The following DLC1 variants were observed in gnomAD, a reference collection of about 807,000 sequenced individuals.
DLC1 encodes rho GTPase-activating protein 7.
A neutral mutation model predicts 140.3 loss-of-function variants in DLC1; 54 were observed. The observed-to-expected ratio is 0.38, with a 90% confidence interval of 0.31 to 0.48. The LOEUF (loss-of-function observed/expected upper bound fraction) is 0.48, where lower values mean the gene tolerates loss of function less well. Among genes scored for constraint, DLC1 ranks in the 20% least tolerant of loss-of-function variants. The probability of loss-of-function intolerance (pLI) is 0.96; values close to 1 mark genes in which losing one functional copy is unlikely to be tolerated. For synonymous variants in DLC1, 986 were observed against 728.1 expected (o/e 1.35, Z -5.70); for missense variants, 2,536 against 1,907.0 (o/e 1.33, Z -6.14).
At chr8:13,128,916 G>GGCAGAACAAATTATGATGGCAAA (rs1563654420) in intron 5 of DLC1, among the ~76,000 whole-genome samples, 1 of 152,086 alleles carries the variant, frequency 6.6e-6, no homozygotes, top group East Asian at 1.9e-4. Context: ...ATGATGGCAA[G>GGCAGAACAAATTATGATGGCAAA]GCAGAACATT....
At chr8:13,323,691 A>G (rs1480517456) in intron 4 of DLC1, among the ~76,000 whole-genome samples, 2 of 152,182 alleles carry the variant, frequency 1.3e-5, no homozygotes, top group African/African-American at 2.4e-5. Context: ...GGCATATGGT[A>G]TTCGTGCCCT....
At chr8:13,513,315 T>G (rs1419136404) in intron 1 of DLC1, among the ~76,000 whole-genome samples, 2 of 152,190 alleles carry the variant, frequency 1.3e-5, no homozygotes. Context: ...GTATTTTATC[T>G]TCCACATATA....
At chr8:13,419,522 A>T (rs1339050612) in intron 2 of DLC1, among the ~76,000 whole-genome samples, 2 of 152,026 alleles carry the variant, frequency 1.3e-5, no homozygotes, top group Non-Finnish European at 2.9e-5. Flanking sequence ...ACATTTATTG[A>T]TTTGCGTATA....
intron 1 of DLC1, among the ~76,000 whole-genome samples, chr8:13,601,073 A>G (rs752536930): frequency 8.6e-5 from 13 of 151,816 alleles, no homozygotes; most frequent in Admixed American, 3.9e-4. Flanking sequence ...TCGTAAAGTC[A>G]TATAAAGCCC....
At chr8:13,451,747 T>A (rs1259163486) in intron 2 of DLC1, among the ~76,000 whole-genome samples, 1 of 152,218 alleles carries the variant, frequency 6.6e-6, no homozygotes, top group Non-Finnish European at 1.5e-5. Flanking sequence ...ATGGGGCACA[T>A]GTTCTTTATT....
At chr8:13,113,405 T>C (rs951670824) in intron 6 of DLC1, among the ~76,000 whole-genome samples, 1 of 152,226 alleles carries the variant, frequency 6.6e-6, no homozygotes, top group South Asian at 2.1e-4. Flanking sequence ...AGTAGTCTTA[T>C]GCTTCAAAAG....
chr8:13,152,393 C>T (rs749244046), intron 5 of DLC1, among the ~76,000 whole-genome samples: 2 of 152,030 alleles, frequency 1.3e-5, no homozygotes, highest in Non-Finnish European at 2.9e-5. Flanking sequence ...AAAAATGACT[C>T]AATATGTTTG....
At chr8:13,426,772 C>T (rs894432317) in intron 2 of DLC1, among the ~76,000 whole-genome samples, 6 of 147,278 alleles carry the variant, frequency 4.1e-5, no homozygotes, top group African/African-American at 1.2e-4. Context: ...CCCATTGCCT[C>T]GTTCTTATAT....
At chr8:13,148,980 G>T (rs1823622837) in intron 5 of DLC1, among the ~76,000 whole-genome samples, 2 of 152,058 alleles carry the variant, frequency 1.3e-5, no homozygotes, top group South Asian at 4.2e-4. Flanking sequence ...TTTTAGTAGA[G>T]ACAGGGTTTC....
At chr8:13,450,182 A>G (rs573423146) in intron 2 of DLC1, among the ~76,000 whole-genome samples, 2 of 152,122 alleles carry the variant, frequency 1.3e-5, no homozygotes, top group East Asian at 3.9e-4. Flanking sequence ...GAGGCCAGGC[A>G]TGGTGGCCTG....
intron 1 of DLC1, among the ~76,000 whole-genome samples, chr8:13,529,274 A>G (rs1488609917): frequency 1.3e-5 from 2 of 152,220 alleles, no homozygotes; most frequent in African/African-American, 2.4e-5. Context: ...CAGTGTAATT[A>G]GGGAGTTTAA....
At chr8:13,411,471 C>T (rs976440989) in intron 2 of DLC1, among the ~76,000 whole-genome samples, 7 of 152,138 alleles carry the variant, frequency 4.6e-5, no homozygotes, top group African/African-American at 1.7e-4. Flanking sequence ...TATTAGACAC[C>T]TGTCATTATA....
In DLC1 at chr8:13,100,047, T is replaced by C. The variant is rs758721577; in HGVS notation, c.2290A>G (p.Ser764Gly). The C allele has an allele frequency of 8.1e-6, 13 of 1,613,124 alleles. No homozygotes were observed. Among genetic ancestry groups the C allele is most frequent in the Non-Finnish European group, 1.1e-5 (13 of 1,180,042 alleles). Residue 764 changes from serine (S) to glycine (G), a missense_variant, in exon 9 of 18, where the codon AGC becomes GGC. Physicochemically the swap from Ser to Gly is moderately conservative, Grantham distance 56 (BLOSUM62 0). Transcript: ENST00000276297. Reference protein sequence around the residue: ...STPSPVTRTRSLSACNKRVGM... With the variant: ...STPSPVTRTRGLSACNKRVGM... ...ACCCGCTTGTTGCACGCACTGAGGC[T>C]CCGGGTCCTCGTAACAGGGCTGGGC...
chr8:13,147,796 T>C (rs965206855), intron 5 of DLC1, among the ~76,000 whole-genome samples: 2 of 152,184 alleles, frequency 1.3e-5, no homozygotes, highest in African/African-American at 4.8e-5. Context: ...GAGACCATCC[T>C]GGCCAACATG....
intron 2 of DLC1, among the ~76,000 whole-genome samples, chr8:13,416,761 T>A (rs1442042799): frequency 3.3e-5 from 5 of 152,230 alleles, no homozygotes; most frequent in African/African-American, 7.2e-5. Flanking sequence ...TAAATGTAGA[T>A]TCCTGGCTTA....
chr8:13,102,864 A>G lies in DLC1; in HGVS notation c.1503-11T>C. 3 of 1,612,858 alleles carry G rather than the reference A, an allele frequency of 1.9e-6. No individual in the cohort carries two copies. Among genetic ancestry groups the G allele is most frequent in the Non-Finnish European group, 1.7e-6 (2 of 1,179,634 alleles). On this transcript the variant is annotated splice_polypyrimidine_tract_variant and intron_variant, in intron 7 of 17. Transcript: ENST00000276297. ...AAAGTATTTAGACGCCTATAGAGCA[A>G]AGAAATAACGTTAGCAAAGATAGGC...
At chr8:13,277,689 C>G (rs1299221494) in intron 5 of DLC1, among the ~76,000 whole-genome samples, 1 of 152,060 alleles carries the variant, frequency 6.6e-6, no homozygotes, top group Non-Finnish European at 1.5e-5. Flanking sequence ...CATTATTAAT[C>G]CTCTTTTTTT....
At chr8:13,470,590 G>T (rs867202259) in intron 2 of DLC1, among the ~76,000 whole-genome samples, 1 of 152,176 alleles carries the variant, frequency 6.6e-6, no homozygotes, top group Admixed American at 6.5e-5. Context: ...CTGTTGGGAT[G>T]GTTATTAGAA....
At chr8:13,261,976 A>G (rs566658911) in intron 5 of DLC1, among the ~76,000 whole-genome samples, 1 of 152,216 alleles carries the variant, frequency 6.6e-6, no homozygotes, top group East Asian at 1.9e-4. Flanking sequence ...TAGCTTAGAT[A>G]TGAAGAAGTT....
Sources: allele counts gnomAD v4.1 joint callset (sites outside exome capture counted in the v4.1 genomes callset), GRCh38; gene constraint gnomAD v4.1.1; transcripts MANE v1.5; gene names NCBI Gene and HGNC (gene_info 2026-07-23, HGNC 2026-07-21).